ECE1: variants seen among roughly 807,000 people sequenced by gnomAD.
The protein encoded by ECE1 is endothelin-converting enzyme 1.
ECE1 carries 35 observed loss-of-function variants against 98.6 expected under a neutral mutation model. The ratio of observed to expected loss-of-function variants is 0.35; its 90% CI spans 0.27 to 0.47. ECE1 has a LOEUF of 0.47. ECE1 is among the 20% of genes least tolerant of loss of function. The pLI is 1.00. For synonymous variants in ECE1, 394 were observed against 407.1 expected, an observed-to-expected ratio of 0.97 and a Z score of 0.39; for missense variants, 814 against 1,025.3, an observed-to-expected ratio of 0.79 and a Z score of 2.81.
intron 12 of ECE1, among the ~76,000 whole-genome samples, chr1:21,236,353 G>A (rs1010180372): frequency 1.3e-5 from 2 of 152,260 alleles, no homozygotes; most frequent in Non-Finnish European, 2.9e-5. Flanking sequence ...CTGTGCTGCC[G>A]GACAGAACTG....
At chr1:21,326,137 C>T (rs1005041923) in intron 1 of ECE1, among the ~76,000 whole-genome samples, 1 of 152,114 alleles carries the variant, frequency 6.6e-6, no homozygotes, top group African/African-American at 2.4e-5. Flanking sequence ...CTTCTGCCGC[C>T]CCACGTTCTC....
chr1:21,262,958 G>A (rs1441772034), intron 4 of ECE1, among the ~76,000 whole-genome samples: 3 of 152,208 alleles, frequency 2.0e-5, no homozygotes, highest in South Asian at 2.1e-4. Context: ...GGCATGCAGC[G>A]TGGTGAGTGA....
In ECE1 at chr1:21,327,046, G is replaced by A. The variant is rs768329138; in HGVS notation, c.3+18330C>T. Among the ~76,000 whole-genome samples, 1 of 152,180 alleles carries A rather than the reference G, an allele frequency of 6.6e-6. No homozygotes were observed. Among genetic ancestry groups the A allele is most frequent in the Non-Finnish European group, 1.5e-5 (1 of 68,014 alleles). ...GCCCTGGTCTCGCTGGGGTCGCATA[G>A]GTCACATGGAAAGAATTTGGAGGTC... On this transcript the variant is annotated intron_variant, in intron 1 of 18. Transcript: ENST00000415912. This position sits in a 1 kb window ranked among gnomAD's most constrained non-coding sequence, Gnocchi z 4.6.
intron 17 of ECE1, among the ~76,000 whole-genome samples, chr1:21,222,704 C>T (rs1460930932): frequency 1.3e-5 from 2 of 151,656 alleles, no homozygotes; most frequent in South Asian, 2.1e-4. Context: ...AGCCGAGGTG[C>T]GGTGGCACAT....
At position 21,345,232 on chromosome 1, in the gene ECE1, C is replaced by T; in HGVS notation, c.3+144G>A. ...CGGGCGCTCCCCGACTCCACGCCTTCCGAGAGCCGGGCGGGGGCTGCTGCT... is the reference window on the plus strand; with the variant it reads ...CGGGCGCTCCCCGACTCCACGCCTTTCGAGAGCCGGGCGGGGGCTGCTGCT... On this transcript the variant is annotated intron_variant, in intron 1 of 18. Transcript: ENST00000415912. The surrounding 1 kb of genome is among the most constrained non-coding windows in gnomAD (Gnocchi z 5.1). The T allele has an allele frequency of 1.8e-6, 2 of 1,117,228 alleles. No individual in the cohort carries two copies. The highest frequency in any genetic ancestry group is 2.2e-6 in the Non-Finnish European group (2 of 904,522). The allele number at this position is 1,117,228 out of a possible 1,614,324, so 69.2% of individuals were successfully genotyped here. A position where few individuals can be genotyped will look rare whatever the true frequency, so the allele number is the denominator to read the frequency against.
chr1:21,274,291 G>A (rs2098243970), intron 3 of ECE1, among the ~76,000 whole-genome samples: 1 of 152,220 alleles, frequency 6.6e-6, no homozygotes, highest in South Asian at 2.1e-4. Flanking sequence ...CTCTCTGCCA[G>A]TCACACGAGG....
In ECE1 at chr1:21,225,214, C is replaced by A; in HGVS notation, c.2040+36G>T. ...GACAGGCATCTGGAAGGAGCCAGCA[C>A]TGGGACCGTGCGCGTGTGGGGAGCG... On this transcript the variant is annotated intron_variant, in intron 17 of 18. Coordinates refer to ENST00000374893, the MANE Select transcript of ECE1 (RefSeq NM_001397.3). The surrounding 1 kb of genome is among the most constrained non-coding windows in gnomAD (Gnocchi z 5.3). 2 of 1,611,996 alleles carry A rather than the reference C, an allele frequency of 1.2e-6. No homozygotes were observed. Among genetic ancestry groups the A allele is most frequent in the Non-Finnish European group, 1.7e-6 (2 of 1,179,404 alleles).
At position 21,260,096 on chromosome 1, in the gene ECE1, T is replaced by G. The variant is rs1171701784; in HGVS notation, c.615+175A>C. Among the ~76,000 whole-genome samples, 2 of 152,260 alleles carry G rather than the reference T, an allele frequency of 1.3e-5. No homozygotes were observed. The highest frequency in any genetic ancestry group is 2.9e-5 in the Non-Finnish European group (2 of 68,044). ...AACCCACCCACGCAGCTACGCAATGTGCTCACACTCACATGTGCTCTCGCA... is the reference window on the plus strand; with the variant it reads ...AACCCACCCACGCAGCTACGCAATGGGCTCACACTCACATGTGCTCTCGCA... On this transcript the variant is annotated intron_variant, in intron 5 of 18. Transcript: ENST00000374893. The surrounding 1 kb of genome is among the most constrained non-coding windows in gnomAD (Gnocchi z 4.3).
chr1:21,317,890 GTGTC>G (rs1638866554), intron 1 of ECE1, among the ~76,000 whole-genome samples: 1 of 152,354 alleles, frequency 6.6e-6, no homozygotes, highest in African/African-American at 2.4e-5. Flanking sequence ...TGGGGTGCCA[GTGTC>G]TGTCTCCTGG....
At position 21,256,178 on chromosome 1, in the gene ECE1, C is replaced by G. The variant is rs764924508; in HGVS notation, c.829-40G>C. 6.4e-6 allele frequency: 10 copies of G among 1,570,144 alleles called. No individual in the cohort carries two copies. The African/African-American group carries it at 8.1e-5, about 13-fold the overall frequency. On this transcript the variant is annotated intron_variant, in intron 7 of 18. Coordinates refer to ENST00000374893, the MANE Select transcript of ECE1 (RefSeq NM_001397.3). ...CCCCAAACTGTCAGTGGCTGCCCCC[C>G]CACTATCCACTGGACGAGAGTTGGT...
intron 8 of ECE1, among the ~76,000 whole-genome samples, chr1:21,248,071 T>C (rs2098206374): frequency 6.6e-6 from 1 of 152,194 alleles, no homozygotes; most frequent in African/African-American, 2.4e-5. Flanking sequence ...CCGAAGGTGA[T>C]ATTTCTCAGG....
chr1:21,274,571 A>G (rs2098244257), intron 3 of ECE1, among the ~76,000 whole-genome samples: 1 of 152,176 alleles, frequency 6.6e-6, no homozygotes, highest in African/African-American at 2.4e-5. Context: ...CAGGGTCTGA[A>G]GTTTCAGGCC....
chr1:21,298,639 G>T, intron 1 of ECE1: 2 of 411,804 alleles, frequency 4.9e-6, no homozygotes, highest in Admixed American at 5.1e-5. Context: ...TAGACCTGGG[G>T]CTCGGTGGCA....
At chr1:21,325,948 C>T (rs1639069477) in intron 1 of ECE1, among the ~76,000 whole-genome samples, 1 of 152,144 alleles carries the variant, frequency 6.6e-6, no homozygotes, top group African/African-American at 2.4e-5. Flanking sequence ...ACCTTGTTTC[C>T]AAACTTGCTG....
rs143088638 is a variant in ECE1, at chr1:21,285,861, G to A, written c.138+4209C>T. Among the ~76,000 whole-genome samples, 488 of 151,734 alleles carry A rather than the reference G, an allele frequency of 3.2e-3. 14 individuals are homozygous for A. In the East Asian group the frequency reaches 0.075, roughly 23 times the overall value. On this transcript the variant is annotated intron_variant, in intron 2 of 18. Coordinates refer to ENST00000374893, the MANE Select transcript of ECE1 (RefSeq NM_001397.3). Reference sequence around the variant, plus strand: ...ACAAAAATTAGTCACGCATGGTGGCGCACGCCTGTAATCCCAGCTACTGGG... The same window carrying A: ...ACAAAAATTAGTCACGCATGGTGGCACACGCCTGTAATCCCAGCTACTGGG...
intron 8 of ECE1, among the ~76,000 whole-genome samples, chr1:21,254,651 G>A (rs776437728): frequency 6.6e-6 from 1 of 152,264 alleles, no homozygotes; most frequent in East Asian, 1.9e-4. Context: ...CTCAGGCTGA[G>A]AAATCGGCTG....
At chr1:21,335,352 G>A (rs1390638396) in intron 1 of ECE1, among the ~76,000 whole-genome samples, 1 of 152,142 alleles carries the variant, frequency 6.6e-6, no homozygotes, top group Non-Finnish European at 1.5e-5. Flanking sequence ...GGCTTTGCCT[G>A]TTTGGTCTCC....
rs1054634589 is a variant in ECE1 at position 21,327,535 on chromosome 1, C to T, written c.3+17841G>A. Reference sequence around the variant, plus strand: ...ATCATCTTAGCTCCCTGCTGACACCCCTTCGAGAACCGGGAGACCTCCACC... The same window carrying T: ...ATCATCTTAGCTCCCTGCTGACACCTCTTCGAGAACCGGGAGACCTCCACC... On this transcript the variant is annotated intron_variant, in intron 1 of 18. Transcript: ENST00000415912. This position sits in a 1 kb window ranked among gnomAD's most constrained non-coding sequence, Gnocchi z 4.6. 6.6e-6 allele frequency among the ~76,000 whole-genome samples: 1 copy of T among 152,180 alleles called. No homozygotes were observed. Among genetic ancestry groups the T allele is most frequent in the Non-Finnish European group, 1.5e-5 (1 of 68,026 alleles).
At position 21,272,729 on chromosome 1, in the gene ECE1, G is replaced by T. The variant is rs1481851362; in HGVS notation, c.463C>A (p.His155Asn). Reference protein sequence around the residue: ...RWGTFSNLWEHNQAIIKHLLE... With the variant: ...RWGTFSNLWENNQAIIKHLLE... ...AGGTGCTTGATGATTGCTTGGTTGT[G>T]TTCCCAGAGGTTGCTGAAGGTCCCC... is the stretch of plus-strand genomic sequence containing the variant. Residue 155 changes from histidine to asparagine, a missense_variant, in exon 4 of 19, where the codon CAC becomes AAC. Transcript: ENST00000374893. The T allele has an allele frequency of 8.1e-6, 13 of 1,614,270 alleles. No homozygotes were observed. Among genetic ancestry groups the T allele is most frequent in the Non-Finnish European group, 1.0e-5 (12 of 1,180,044 alleles).
Sources: gnomAD v4.1 joint callset for allele counts (sites outside exome capture counted in the v4.1 genomes callset) on GRCh38, gnomAD v4.1.1 for gene constraint, Gnocchi (gnomAD v3.1) non-coding constraint, MANE v1.5 for transcripts, NCBI Gene and HGNC (gene_info 2026-07-23, HGNC 2026-07-21) for gene names.